The following PRDM16 variants were observed in gnomAD, a reference collection of about 807,000 sequenced individuals.
PRDM16 encodes the protein histone-lysine N-methyltransferase PRDM16.
A neutral mutation model predicts 110.6 loss-of-function variants in PRDM16; 23 were observed. The ratio of observed to expected loss-of-function variants is 0.21; its 90% CI spans 0.15 to 0.29. The LOEUF (loss-of-function observed/expected upper bound fraction) is 0.29, where lower values mean the gene tolerates loss of function less well. PRDM16 is among the 10% of genes least tolerant of loss of function. The probability of loss-of-function intolerance (pLI) is 1.00; values close to 1 mark genes in which losing one functional copy is unlikely to be tolerated. For missense variants in PRDM16, 1,615 were observed against 1,794.3 expected (o/e 0.90, Z 1.81); for synonymous variants, 799 against 781.8 (o/e 1.02, Z -0.37).
intron 3 of PRDM16, among the ~76,000 whole-genome samples, chr1:3,327,739 C>T (rs12047172): frequency 0.021 from 3,185 of 152,216 alleles, 166 homozygotes; most frequent in East Asian, 0.11. Context: ...CTGCACTTGG[C>T]CCCCACCCAC....
At chr1:3,286,549 A>G (rs1415093281) in intron 3 of PRDM16, among the ~76,000 whole-genome samples, 1 of 152,076 alleles carries the variant, frequency 6.6e-6, no homozygotes, top group Non-Finnish European at 1.5e-5. Context: ...TCCTGAATTG[A>G]CATGCAGGAG....
rs374384603 is a variant in PRDM16 at position 3,411,658 on chromosome 1, G to A, written c.1461G>A (p.Glu487=). The A allele has an allele frequency of 3.7e-6, 6 of 1,613,182 alleles. No individual in the cohort carries two copies. The highest frequency in any genetic ancestry group is 2.7e-5 in the African/African-American group (2 of 74,896). The change falls in exon 9 of 17, where the codon GAG becomes GAA. Residue 487 remains glutamate (E), a synonymous_variant. Transcript: ENST00000270722. ...SLNHASLGFN[E]YFPSRPHPGS... Reference sequence around the variant, plus strand: ...ATCACGCCAGCCTGGGCTTCAACGAGTACTTTCCCTCCAGGCCGCACCCGG... The same window carrying A: ...ATCACGCCAGCCTGGGCTTCAACGAATACTTTCCCTCCAGGCCGCACCCGG...
At position 3,181,409 on chromosome 1, in the gene PRDM16, C is replaced by A. The variant is rs71503055; in HGVS notation, c.38-4716C>A. On this transcript the variant is annotated intron_variant, in intron 1 of 16. Transcript: ENST00000270722. ...ACGGCCTTACGCATGGTCTTACACA[C>A]GCAGTCTTACACACGCGGTCTTACA... Among the ~76,000 whole-genome samples, 18 of 23,338 alleles carry A rather than the reference C, an allele frequency of 7.7e-4. 3 individuals carry two copies. The highest frequency in any genetic ancestry group is 2.3e-3 in the Admixed American group (4 of 1,740). The allele number at this position is 23,338 out of a possible 152,430, so 15.3% of individuals were successfully genotyped here.
At position 3,213,375 on chromosome 1, in the gene PRDM16, C is replaced by T. The variant is rs1467015942; in HGVS notation, c.387+26901C>T. On this transcript the variant is annotated intron_variant, in intron 2 of 16. Coordinates refer to ENST00000270722, the MANE Select transcript of PRDM16 (RefSeq NM_022114.4). This position sits in a 1 kb window ranked among gnomAD's most constrained non-coding sequence, Gnocchi z 5.3. ...TTTGCTGGGGAGAGGGGTGTGGGGGCGGGATGGCGGGTCCTGGGCGTCTCG... is the reference window on the plus strand; with the variant it reads ...TTTGCTGGGGAGAGGGGTGTGGGGGTGGGATGGCGGGTCCTGGGCGTCTCG... Among the ~76,000 whole-genome samples, 1 of 110,568 alleles carries T rather than the reference C, an allele frequency of 9.0e-6. No individual in the cohort carries two copies. Among genetic ancestry groups the T allele is most frequent in the African/African-American group, 3.5e-5 (1 of 28,170 alleles). The allele number at this position is 110,568 out of a possible 152,430, so 72.5% of individuals were successfully genotyped here. A position where few individuals can be genotyped will look rare whatever the true frequency, so the allele number is the denominator to read the frequency against.
intron 1 of PRDM16, among the ~76,000 whole-genome samples, chr1:3,082,019 A>G (rs747971538): frequency 5.9e-5 from 9 of 152,184 alleles, no homozygotes; most frequent in Non-Finnish European, 1.2e-4. Context: ...AGGCTTCTGA[A>G]ATTCCCTTGA....
intron 2 of PRDM16, among the ~76,000 whole-genome samples, chr1:3,194,963 C>G (rs1439491934): frequency 6.6e-6 from 1 of 152,182 alleles, no homozygotes; most frequent in African/African-American, 2.4e-5. Context: ...GGCCAGGAAG[C>G]TTTGCCGCGC....
intron 1 of PRDM16, among the ~76,000 whole-genome samples, chr1:3,127,670 AGG>A (rs1182970683): frequency 2.6e-5 from 4 of 152,226 alleles, no homozygotes; most frequent in Non-Finnish European, 5.9e-5. Flanking sequence ...CAGTAGGACG[AGG>A]GTTGAGAGGG....
intron 2 of PRDM16, among the ~76,000 whole-genome samples, chr1:3,204,114 C>T (rs1172707785): frequency 6.6e-6 from 1 of 152,220 alleles, no homozygotes; most frequent in Non-Finnish European, 1.5e-5. Flanking sequence ...CACGTCTTAA[C>T]AGTAAGATGC....
At chr1:3,223,466 C>A (rs1225093763) in intron 2 of PRDM16, among the ~76,000 whole-genome samples, 1 of 152,050 alleles carries the variant, frequency 6.6e-6, no homozygotes, top group East Asian at 1.9e-4. Context: ...AGGTGCTGAC[C>A]CCACGCTCAC....
chr1:3,081,612 C>CG lies in PRDM16; in HGVS notation c.37+12322dup, dbSNP rs1642030404. ...AGGGTTGGTCTTCCTTCTGTGAGCA[C>CG]GGGGGGTGAGCAGTGGGCAGCTCCA... On this transcript the variant is annotated intron_variant, in intron 1 of 16. Transcript: ENST00000270722. This position sits in a 1 kb window ranked among gnomAD's most constrained non-coding sequence, Gnocchi z 4.6. Among the ~76,000 whole-genome samples, 2 of 152,148 alleles carry CG rather than the reference C, an allele frequency of 1.3e-5. No homozygotes were observed. Among genetic ancestry groups the CG allele is most frequent in the Admixed American group, 1.3e-4 (2 of 15,278 alleles).
At chr1:3,251,851 A>C (rs1464004917) in intron 3 of PRDM16, among the ~76,000 whole-genome samples, 2 of 152,240 alleles carry the variant, frequency 1.3e-5, no homozygotes, top group South Asian at 2.1e-4. Flanking sequence ...TTAGGAGAGA[A>C]AAATAGATCA....
chr1:3,204,813 G>A (rs867426873), intron 2 of PRDM16, among the ~76,000 whole-genome samples: 6 of 152,182 alleles, frequency 3.9e-5, no homozygotes, highest in African/African-American at 1.4e-4. Flanking sequence ...AAAACGAAAT[G>A]GTTAAAAAAT....
rs542202551 is a variant in PRDM16, at chr1:3,347,017, C to T, written c.439-38135C>T. 1.6e-4 allele frequency among the ~76,000 whole-genome samples: 25 copies of T among 152,330 alleles called. No homozygotes were observed. In the South Asian group the frequency reaches 5.0e-3, roughly 30 times the overall value. ...CTCTCCAGAAGTGCGCAGCACTCAC[C>T]GGCAGCTTGGGACACCCATGAAGTA... On this transcript the variant is annotated intron_variant, in intron 3 of 16. Coordinates refer to ENST00000270722, the MANE Select transcript of PRDM16 (RefSeq NM_022114.4).
At chr1:3,078,083 CT>C (rs1641939714) in intron 1 of PRDM16, among the ~76,000 whole-genome samples, 1 of 152,132 alleles carries the variant, frequency 6.6e-6, no homozygotes, top group Non-Finnish European at 1.5e-5. Flanking sequence ...GCACGTGCCA[CT>C]TTTTTTCTTA....
At chr1:3,284,846 T>C (rs1185566482) in intron 3 of PRDM16, among the ~76,000 whole-genome samples, 4 of 151,992 alleles carry the variant, frequency 2.6e-5, no homozygotes, top group Admixed American at 6.6e-5. Flanking sequence ...CAGAGAAGGG[T>C]CAGAGCTGGA....
Position 3,314,080 on chromosome 1 carries a change from G to A in PRDM16, c.438+69943G>A, listed in dbSNP as rs1004066855. On this transcript the variant is annotated intron_variant, in intron 3 of 16. Coordinates refer to ENST00000270722, the MANE Select transcript of PRDM16 (RefSeq NM_022114.4). ...TGCCGTCCTTCCCCACCGGGGGGGG[G>A]GGCGGGAACATAAAATGGACCCAAG... is the stretch of plus-strand genomic sequence containing the variant. Among the ~76,000 whole-genome samples, 3 of 151,456 alleles carry A rather than the reference G, an allele frequency of 2.0e-5. 1 individual carries two copies. Among genetic ancestry groups the A allele is most frequent in the Non-Finnish European group, 4.4e-5 (3 of 67,966 alleles).
chr1:3,394,922 G>A (rs1643362829), intron 4 of PRDM16, among the ~76,000 whole-genome samples: 1 of 151,934 alleles, frequency 6.6e-6, no homozygotes, highest in African/African-American at 2.4e-5. Context: ...GTTACCATGG[G>A]CCAGTTTCTC....
intron 10 of PRDM16, 50 bp downstream of exon 10, chr1:3,414,697 C>T: frequency 1.4e-6 from 2 of 1,428,228 alleles, no homozygotes; most frequent in South Asian, 2.4e-5. Context: ...ACGCCAGTGG[C>T]CCCATCTCCC....
chr1:3,371,037 A>G lies in PRDM16; in HGVS notation c.439-14115A>G, dbSNP rs1259070047. Among the ~76,000 whole-genome samples, 28 of 94,546 alleles carry G rather than the reference A, an allele frequency of 3.0e-4. 3 individuals carry two copies. Among genetic ancestry groups the G allele is most frequent in the Admixed American group, 1.7e-3 (16 of 9,664 alleles). The allele number at this position is 94,546 out of a possible 152,430, so 62.0% of individuals were successfully genotyped here. On this transcript the variant is annotated intron_variant, in intron 3 of 16. Transcript: ENST00000270722. ...CCATCCACCCACCCATCCATCCATTAATTTATTCATCCATCCACCCACCCA... is the reference window on the plus strand; with the variant it reads ...CCATCCACCCACCCATCCATCCATTGATTTATTCATCCATCCACCCACCCA...
Sources: gnomAD v4.1 joint callset for allele counts (sites outside exome capture counted in the v4.1 genomes callset) on GRCh38, gnomAD v4.1.1 for gene constraint, Gnocchi (gnomAD v3.1) non-coding constraint, MANE v1.5 for transcripts, NCBI Gene and HGNC (gene_info 2026-07-23, HGNC 2026-07-21) for gene names.